The following CTNNA2 variants were observed in gnomAD, a reference collection of about 807,000 sequenced individuals.
The protein encoded by CTNNA2 is catenin alpha 2.
A neutral mutation model predicts 101.0 loss-of-function variants in CTNNA2; 42 were observed. The observed-to-expected ratio is 0.42, with a 90% CI of 0.32 to 0.54. The LOEUF (loss-of-function observed/expected upper bound fraction) is 0.54, where lower values mean the gene tolerates loss of function less well. Among genes scored for constraint, CTNNA2 ranks in the 20% least tolerant of loss-of-function variants. CTNNA2 has a pLI of 0.14. For synonymous variants in CTNNA2, 450 were observed against 456.4 expected, an observed-to-expected ratio of 0.99 and a Z score of 0.18; for missense variants, 871 against 1,223.1, an observed-to-expected ratio of 0.71 and a Z score of 4.29.
chr2:79,510,532 C>T (rs1271265264), upstream of CTNNA2, among the ~76,000 whole-genome samples: 1 of 152,102 alleles, frequency 6.6e-6, no homozygotes, highest in African/African-American at 2.4e-5. Flanking sequence ...TGAGGGTTCC[C>T]CTTTATTCAA....
chr2:80,354,149 G>A (rs761432615), intron 7 of CTNNA2, among the ~76,000 whole-genome samples: 7 of 152,032 alleles, frequency 4.6e-5, no homozygotes, highest in Admixed American at 3.3e-4. Context: ...GCACTTCTTC[G>A]GTTGTGGCAC....
intron 6 of CTNNA2, among the ~76,000 whole-genome samples, chr2:79,878,127 C>G (rs1224731944): frequency 6.6e-6 from 1 of 152,146 alleles, no homozygotes; most frequent in African/African-American, 2.4e-5. Flanking sequence ...TCATCCACGT[C>G]CCTGCAAAGG....
chr2:80,459,851 G>C (rs1276090822), intron 9 of CTNNA2, among the ~76,000 whole-genome samples: 1 of 152,146 alleles, frequency 6.6e-6, no homozygotes, highest in Non-Finnish European at 1.5e-5. Context: ...TCAGGTCTTT[G>C]TAGGCTTGGT....
rs1676172992 is a variant in CTNNA2, at chr2:79,581,949, A to C, written c.-6+68742A>C. Reference sequence around the variant, plus strand: ...TGGTGTGCAAATACAGAACTGAAAAATGTATAAGAATGAAGAAATACAGCT... The same window carrying C: ...TGGTGTGCAAATACAGAACTGAAAACTGTATAAGAATGAAGAAATACAGCT... On this transcript the variant is annotated intron_variant, in intron 1 of 18. Coordinates refer to ENST00000402739, the MANE Select transcript of CTNNA2 (RefSeq NM_001282597.3). Among the ~76,000 whole-genome samples the C allele has an allele frequency of 2.0e-5, 3 of 152,226 alleles. No individual in the cohort carries two copies. In the South Asian group the frequency reaches 6.2e-4, roughly 32 times the overall value.
At chr2:79,536,789 C>T (rs1246506796) in intron 1 of CTNNA2, among the ~76,000 whole-genome samples, 1 of 73,028 alleles carries the variant, frequency 1.4e-5, no homozygotes, top group Non-Finnish European at 4.0e-5. Context: ...GCAACCTCTA[C>T]CCCCCGGGTT....
At chr2:79,259,090 G>A (rs1408734191) in intron 2 of CTNNA2, among the ~76,000 whole-genome samples, 2 of 152,296 alleles carry the variant, frequency 1.3e-5, no homozygotes, top group Admixed American at 6.5e-5. Flanking sequence ...AACTGGGGAA[G>A]AGTGATCAGA....
intron 7 of CTNNA2, among the ~76,000 whole-genome samples, chr2:80,286,614 A>C (rs1674788596): frequency 6.6e-6 from 1 of 152,110 alleles, no homozygotes; most frequent in Non-Finnish European, 1.5e-5. Context: ...CACATCGTGG[A>C]TTGTGCTCTT....
chr2:80,591,241 A>G (rs903537283), intron 15 of CTNNA2, among the ~76,000 whole-genome samples: 5 of 152,264 alleles, frequency 3.3e-5, no homozygotes, highest in Admixed American at 3.3e-4. Flanking sequence ...TCAGTTTCAT[A>G]GGGATTTCAT....
At chr2:80,385,276 T>C (rs1177500933) in intron 7 of CTNNA2, among the ~76,000 whole-genome samples, 1 of 152,132 alleles carries the variant, frequency 6.6e-6, no homozygotes, top group African/African-American at 2.4e-5. Context: ...TGGAGGCCTT[T>C]GATAAGTGAT....
At chr2:79,595,139 TA>T (rs1245198474) in intron 1 of CTNNA2, among the ~76,000 whole-genome samples, 2 of 152,178 alleles carry the variant, frequency 1.3e-5, no homozygotes, top group African/African-American at 2.4e-5. Context: ...TGTCATAACA[TA>T]AGCACTTGTG....
chr2:80,625,577 A>G (rs942837796), intron 18 of CTNNA2, among the ~76,000 whole-genome samples: 27 of 152,014 alleles, frequency 1.8e-4, no homozygotes, highest in African/African-American at 6.5e-4. Context: ...ATTTCTCTCA[A>G]CTAGTCTGTA....
chr2:80,548,365 A>G (rs1052173828), intron 11 of CTNNA2, among the ~76,000 whole-genome samples: 12 of 152,102 alleles, frequency 7.9e-5, no homozygotes, highest in African/African-American at 2.9e-4. Context: ...TTTCCAACCT[A>G]TTCTTTAAAT....
At position 80,009,460 on chromosome 2, in the gene CTNNA2, G is replaced by C. The variant is rs549149671; in HGVS notation, c.1056+99663G>C. Among the ~76,000 whole-genome samples, 14 of 152,272 alleles carry C rather than the reference G, an allele frequency of 9.2e-5. 1 individual carries two copies. Among genetic ancestry groups the C allele is most frequent in the African/African-American group, 3.4e-4 (14 of 41,544 alleles). ...ATGTTCATTCTGCTAAAATATTGCT[G>C]CCTGAAGACTCAACTGTGAAATGCA... On this transcript the variant is annotated intron_variant, in intron 7 of 18. Transcript: ENST00000402739.
intron 7 of CTNNA2, among the ~76,000 whole-genome samples, chr2:80,014,798 C>T (rs576922458): frequency 2.0e-5 from 3 of 152,196 alleles, no homozygotes; most frequent in Non-Finnish European, 4.4e-5. Flanking sequence ...AAAATAGATG[C>T]ACTGAATGAG....
intron 3 of CTNNA2, among the ~76,000 whole-genome samples, chr2:79,836,484 T>A (rs1679374111): frequency 6.6e-6 from 1 of 152,178 alleles, no homozygotes; most frequent in Non-Finnish European, 1.5e-5. Flanking sequence ...CTGTATTAGT[T>A]TTCTAGGGCT....
chr2:80,561,333 A>C (rs1693571606), intron 12 of CTNNA2, among the ~76,000 whole-genome samples: 1 of 152,242 alleles, frequency 6.6e-6, no homozygotes, highest in Non-Finnish European at 1.5e-5. Context: ...GCCCTTAAAT[A>C]GATAACGTAT....
chr2:79,261,081 C>G (rs1211110786), intron 2 of CTNNA2, among the ~76,000 whole-genome samples: 2 of 152,110 alleles, frequency 1.3e-5, no homozygotes, highest in African/African-American at 4.8e-5. Flanking sequence ...AATGTAGATA[C>G]AGAAGAGGCA....
chr2:79,234,879 A>G (rs1043907208), intron 2 of CTNNA2, among the ~76,000 whole-genome samples: 2 of 152,166 alleles, frequency 1.3e-5, no homozygotes, highest in African/African-American at 4.8e-5. Context: ...CAGCTCCAGA[A>G]GTTCAGGTTG....
intron 3 of CTNNA2, among the ~76,000 whole-genome samples, chr2:79,796,959 T>G (rs1281860236): frequency 6.6e-6 from 1 of 152,174 alleles, no homozygotes; most frequent in Non-Finnish European, 1.5e-5. Flanking sequence ...TTGATCACTT[T>G]CAATGAGAGT....
Sources: allele counts gnomAD v4.1 joint callset (sites outside exome capture counted in the v4.1 genomes callset), GRCh38; gene constraint gnomAD v4.1.1; transcripts MANE v1.5; gene names NCBI Gene and HGNC (gene_info 2026-07-23, HGNC 2026-07-21).